LINGO2: variants seen among roughly 807,000 people sequenced by gnomAD.
LINGO2 encodes the protein leucine-rich repeat and immunoglobulin-like domain-containing nogo receptor-interacting protein 2.
In LINGO2, 14 loss-of-function variants were observed where a neutral mutation model predicts 30.6. The ratio of observed to expected loss-of-function variants is 0.46; its 90% CI spans 0.30 to 0.72. LINGO2 has a LOEUF of 0.72. LINGO2 is among the 30% of genes least tolerant of loss of function. LINGO2 has a pLI of 0.07. For synonymous variants in LINGO2, 317 were observed against 288.5 expected (o/e 1.10, Z -1.00); for missense variants, 729 against 751.7 (o/e 0.97, Z 0.35).
At chr9:27,998,449 T>C (rs1283149327) in intron 5 of LINGO2, among the ~76,000 whole-genome samples, 1 of 152,166 alleles carries the variant, frequency 6.6e-6, no homozygotes, top group African/African-American at 2.4e-5. Context: ...TGCCCTCAGA[T>C]GATTCCAGTC....
chr9:28,551,711 C>G (rs1299908334), intron 1 of LINGO2, among the ~76,000 whole-genome samples: 1 of 151,922 alleles, frequency 6.6e-6, no homozygotes. Flanking sequence ...ATTGCTACTT[C>G]TTAATTTATT....
chr9:28,995,729 A>G, the LINGO2 span, among the ~76,000 whole-genome samples: 1 of 152,150 alleles, frequency 6.6e-6, no homozygotes, highest in Non-Finnish European at 1.5e-5. Context: ...AGGGACATGG[A>G]TGAAACTGGA....
the LINGO2 span, among the ~76,000 whole-genome samples, chr9:29,201,123 T>C: frequency 6.6e-6 from 1 of 152,082 alleles, no homozygotes; most frequent in Non-Finnish European, 1.5e-5. Flanking sequence ...ACTGTTTAGA[T>C]GGAAGTCACT....
intron 4 of LINGO2, among the ~76,000 whole-genome samples, chr9:28,095,483 G>C (rs1826217706): frequency 3.3e-5 from 5 of 152,008 alleles, no homozygotes; most frequent in Admixed American, 3.3e-4. Flanking sequence ...TTAATAAATG[G>C]TGCTGGGAAA....
chr9:29,163,149 C>T, the LINGO2 span, among the ~76,000 whole-genome samples: 3 of 152,262 alleles, frequency 2.0e-5, no homozygotes, highest in Non-Finnish European at 2.9e-5. Flanking sequence ...CATCTTAACA[C>T]TAACTAGAAT....
the LINGO2 span, among the ~76,000 whole-genome samples, chr9:28,678,585 T>C: frequency 6.6e-6 from 1 of 152,168 alleles, no homozygotes; most frequent in African/African-American, 2.4e-5. Flanking sequence ...ATCCTTGTTA[T>C]GCTCTAGTTT....
the LINGO2 span, among the ~76,000 whole-genome samples, chr9:28,861,248 ATACAATAT>A: frequency 4.3e-4 from 51 of 119,040 alleles, no homozygotes; most frequent in African/African-American, 1.6e-3. Flanking sequence ...TATATTTTTT[ATACAATAT>A]TATATAAAAT....
intron 4 of LINGO2, among the ~76,000 whole-genome samples, chr9:28,135,026 T>C (rs1827476728): frequency 6.6e-6 from 1 of 152,172 alleles, no homozygotes. Flanking sequence ...TCTTTCAAAT[T>C]AACACCTGTT....
the LINGO2 span, among the ~76,000 whole-genome samples, chr9:29,058,243 G>C: frequency 2.0e-5 from 3 of 151,994 alleles, no homozygotes; most frequent in African/African-American, 7.2e-5. Flanking sequence ...CTGACAATCA[G>C]AAGAGAATTG....
chr9:28,283,653 G>A (rs1564094809), intron 4 of LINGO2, among the ~76,000 whole-genome samples: 1 of 152,088 alleles, frequency 6.6e-6, no homozygotes, highest in Non-Finnish European at 1.5e-5. Context: ...TTAGCTGTGT[G>A]AGCTTAGTAA....
chr9:28,228,405 G>A (rs1191263491), intron 4 of LINGO2, among the ~76,000 whole-genome samples: 5 of 151,854 alleles, frequency 3.3e-5, no homozygotes, highest in African/African-American at 7.2e-5. Flanking sequence ...GATCCATTTG[G>A]CATACAGCAA....
chr9:29,187,846 T>A, the LINGO2 span, among the ~76,000 whole-genome samples: 1 of 145,704 alleles, frequency 6.9e-6, no homozygotes, highest in Non-Finnish European at 1.5e-5. Context: ...TGGTTTTAAC[T>A]CTTAATATAA....
At chr9:29,090,414 A>G in the LINGO2 span, among the ~76,000 whole-genome samples, 1 of 152,008 alleles carries the variant, frequency 6.6e-6, no homozygotes, top group African/African-American at 2.4e-5. Flanking sequence ...AGCAACCGTC[A>G]TTTAGTACTT....
At chr9:28,491,294 T>C (rs146787828) in intron 1 of LINGO2, among the ~76,000 whole-genome samples, 2 of 152,222 alleles carry the variant, frequency 1.3e-5, no homozygotes, top group Non-Finnish European at 2.9e-5. Context: ...TGGCATTCTT[T>C]GGCTTGTGGC....
chr9:28,029,514 AT>A (rs1189357938), intron 4 of LINGO2, among the ~76,000 whole-genome samples: 1 of 152,180 alleles, frequency 6.6e-6, no homozygotes, highest in Non-Finnish European at 1.5e-5. Flanking sequence ...AGGTGGGGAA[AT>A]TTACCACTCT....
rs1225951692 is a variant in LINGO2 at position 28,663,661 on chromosome 9, T to G, written c.-365+6539A>C. On this transcript the variant is annotated intron_variant, in intron 1 of 5. Transcript: ENST00000379992. ...CTCCAAAGTATGTATTAATAATATT[T>G]TAATATCTTTCAACAAAATATAAGT... Among the ~76,000 whole-genome samples the G allele has an allele frequency of 2.0e-5, 3 of 152,160 alleles. No individual in the cohort carries two copies. In the East Asian group the frequency reaches 5.8e-4, roughly 29 times the overall value.
the LINGO2 span, among the ~76,000 whole-genome samples, chr9:28,742,907 A>G: frequency 2.2e-3 from 342 of 152,092 alleles, 5 homozygotes; most frequent in African/African-American, 8.0e-3. Flanking sequence ...ATTCAATTAA[A>G]TAATATATTT....
chr9:28,721,603 G>A, the LINGO2 span, among the ~76,000 whole-genome samples: 1 of 152,050 alleles, frequency 6.6e-6, no homozygotes, highest in Admixed American at 6.6e-5. Flanking sequence ...AGTGGAAGTT[G>A]AACAATGAGA....
At chr9:29,012,636 A>T in the LINGO2 span, among the ~76,000 whole-genome samples, 1 of 152,198 alleles carries the variant, frequency 6.6e-6, no homozygotes, top group Non-Finnish European at 1.5e-5. Context: ...TAACAAGGAC[A>T]TAATTAATAG....
Sources: allele counts gnomAD v4.1 joint callset (sites outside exome capture counted in the v4.1 genomes callset), GRCh38; gene constraint gnomAD v4.1.1; transcripts MANE v1.5; gene names NCBI Gene and HGNC (gene_info 2026-07-23, HGNC 2026-07-21).